Variants in SCARB1 observed in about 807,000 individuals in gnomAD.
The protein encoded by SCARB1 is scavenger receptor class B member 1.
In SCARB1, 30 loss-of-function variants were observed where a neutral mutation model predicts 57.2. That is an observed-to-expected ratio of 0.52 (90% confidence interval 0.39 to 0.71). SCARB1 has a LOEUF of 0.71. Ranked by LOEUF, SCARB1 falls within the 30% of genes least tolerant of loss-of-function variation. The probability of loss-of-function intolerance (pLI) is 0.00; values close to 1 mark genes in which losing one functional copy is unlikely to be tolerated. For synonymous variants in SCARB1, 249 were observed against 268.3 expected (o/e 0.93, Z 0.70); for missense variants, 543 against 671.2 (o/e 0.81, Z 2.11).
chr12:124,822,206 A>G lies in SCARB1; in HGVS notation c.127-4499T>C, dbSNP rs1950977657. On this transcript the variant is annotated intron_variant, in intron 1 of 12. Transcript: ENST00000261693. This position sits in a 1 kb window ranked among gnomAD's most constrained non-coding sequence, Gnocchi z 5.0. Reference sequence around the variant, plus strand: ...AGGCTGGGAAGCCTTTAAGAGCGTGACTTGCCTGAATGTTCACCAAAAACA... The same window carrying G: ...AGGCTGGGAAGCCTTTAAGAGCGTGGCTTGCCTGAATGTTCACCAAAAACA... Among the ~76,000 whole-genome samples the G allele has an allele frequency of 6.6e-6, 1 of 152,214 alleles. No individual in the cohort carries two copies. Among genetic ancestry groups the G allele is most frequent in the South Asian group, 2.1e-4 (1 of 4,830 alleles).
At position 124,814,497 on chromosome 12, in the gene SCARB1, G is replaced by T; in HGVS notation, c.427-92C>A. 3.7e-6 allele frequency: 5 copies of T among 1,366,454 alleles called. No homozygotes were observed. The highest frequency in any genetic ancestry group is 4.1e-6 in the Non-Finnish European group (4 of 965,116). The allele number at this position is 1,366,454 out of a possible 1,614,324, so 84.6% of individuals were successfully genotyped here. ...CTGGGCCTCACAGCAAAGAGCCCAT[G>T]AAGGGAAATGCTGGGGTGCAGGAGG... On this transcript the variant is annotated intron_variant, in intron 3 of 12. Transcript: ENST00000261693. This position sits in a 1 kb window ranked among gnomAD's most constrained non-coding sequence, Gnocchi z 4.7.
intron 1 of SCARB1, among the ~76,000 whole-genome samples, chr12:124,847,185 ACT>A (rs1397439444): frequency 1.3e-5 from 2 of 152,258 alleles, no homozygotes; most frequent in East Asian, 3.9e-4. Context: ...GAAATCCAAG[ACT>A]CTGGGTGGAA....
At chr12:124,781,886 T>C (rs7977729) in intron 12 of SCARB1, among the ~76,000 whole-genome samples, 33,648 of 152,036 alleles carry the variant, frequency 0.22, 4,534 homozygotes, top group East Asian at 0.3. Flanking sequence ...TCATCCCAGA[T>C]GTATTTATTT....
chr12:124,791,241 T>C (rs34137827), intron 9 of SCARB1, among the ~76,000 whole-genome samples: 7,157 of 152,288 alleles, frequency 0.047, 284 homozygotes, highest in African/African-American at 0.11. Flanking sequence ...CTGATTTGCT[T>C]TGAATCCTTT....
chr12:124,805,964 A>G (rs1336049266), intron 7 of SCARB1, among the ~76,000 whole-genome samples: 1 of 152,180 alleles, frequency 6.6e-6, no homozygotes, highest in Non-Finnish European at 1.5e-5. Context: ...CCAAGACAGT[A>G]GCTGCTAGAC....
Position 124,778,729 on chromosome 12 carries a change from G to A in SCARB1, c.*1-143C>T, listed in dbSNP as rs188375019. 1,299 of 846,792 alleles carry A rather than the reference G, an allele frequency of 1.5e-3. 15 individuals are homozygous for A. The African/African-American group carries it at 0.021, about 14-fold the overall frequency. 52.5% of individuals were successfully genotyped at this position (846,792 alleles called of 1,614,324 possible). A position where few individuals can be genotyped will look rare whatever the true frequency, so the allele number is the denominator to read the frequency against. ...AGGCTGTCAGAAGTGAGAAGAGACT[G>A]GAGTCACCTATAGACTCCTGGAATG... On this transcript the variant is annotated intron_variant, in intron 12 of 12. Transcript: ENST00000261693.
chr12:124,844,068 A>G (rs752326895), intron 1 of SCARB1, among the ~76,000 whole-genome samples: 3 of 152,174 alleles, frequency 2.0e-5, no homozygotes, highest in Non-Finnish European at 2.9e-5. Context: ...ATTGTGGAGA[A>G]GTACAAGGCA....
chr12:124,848,817 T>C (rs373682516), intron 1 of SCARB1, among the ~76,000 whole-genome samples: 7 of 152,084 alleles, frequency 4.6e-5, no homozygotes, highest in East Asian at 3.9e-4. Context: ...GAGGACGACA[T>C]GGACAAGCGA....
intron 12 of SCARB1, among the ~76,000 whole-genome samples, chr12:124,779,740 C>T (rs1220823516): frequency 1.3e-5 from 2 of 152,088 alleles, no homozygotes; most frequent in Admixed American, 6.5e-5. Flanking sequence ...AGAGGCCTCC[C>T]TGCCCCGGTG....
Position 124,814,867 on chromosome 12 carries a change from C to G in SCARB1, c.426+106G>C. On this transcript the variant is annotated intron_variant, in intron 3 of 12. Transcript: ENST00000261693. This position sits in a 1 kb window ranked among gnomAD's most constrained non-coding sequence, Gnocchi z 4.7. ...GCCACCCACCAGGCGTGAGTCCCCACGCTCCGACCACCTCAGGGACTGCTC... is the reference window on the plus strand; with the variant it reads ...GCCACCCACCAGGCGTGAGTCCCCAGGCTCCGACCACCTCAGGGACTGCTC... 1.4e-6 allele frequency: 2 copies of G among 1,460,996 alleles called. No individual in the cohort carries two copies. Among genetic ancestry groups the G allele is most frequent in the Non-Finnish European group, 1.9e-6 (2 of 1,059,854 alleles). The allele number at this position is 1,460,996 out of a possible 1,614,324, so 90.5% of individuals were successfully genotyped here. A position where few individuals can be genotyped will look rare whatever the true frequency, so the allele number is the denominator to read the frequency against.
chr12:124,817,746 A>G lies in SCARB1; in HGVS notation c.127-39T>C. 6.2e-7 allele frequency: 1 copy of G among 1,611,992 alleles called. No individual in the cohort carries two copies. The highest frequency in any genetic ancestry group is 8.5e-7 in the Non-Finnish European group (1 of 1,178,328). The stretch of plus-strand genomic sequence containing the variant: ...GACAAGTACGCTTGTGAGGAGAGTG[A>G]TGAGGGCCCCACGCCCCACCACAAG... On this transcript the variant is annotated intron_variant, in intron 1 of 12. Transcript: ENST00000261693. This position sits in a 1 kb window ranked among gnomAD's most constrained non-coding sequence, Gnocchi z 4.8.
At chr12:124,819,162 AG>A (rs1566196076) in intron 1 of SCARB1, among the ~76,000 whole-genome samples, 5 of 151,916 alleles carry the variant, frequency 3.3e-5, no homozygotes, top group Non-Finnish European at 7.4e-5. Context: ...AGAAAGAAAA[AG>A]AACACACACA....
At chr12:124,842,424 C>A (rs1202008459) in intron 1 of SCARB1, among the ~76,000 whole-genome samples, 1 of 152,266 alleles carries the variant, frequency 6.6e-6, no homozygotes, top group Non-Finnish European at 1.5e-5. Flanking sequence ...AGCTCCTCCC[C>A]ACACACCTCC....
chr12:124,816,777 C>T (rs535294311), intron 2 of SCARB1, among the ~76,000 whole-genome samples: 43 of 152,150 alleles, frequency 2.8e-4, no homozygotes, highest in African/African-American at 9.2e-4. Flanking sequence ...CTGAGTGTCC[C>T]GGTGACCCCA....
chr12:124,815,814 C>G (rs536390582), intron 2 of SCARB1, among the ~76,000 whole-genome samples: 1 of 152,060 alleles, frequency 6.6e-6, no homozygotes, highest in Non-Finnish European at 1.5e-5. Context: ...TGCAGTGAGC[C>G]GAGATCGCGC....
intron 1 of SCARB1, among the ~76,000 whole-genome samples, chr12:124,820,791 G>A (rs112191109): frequency 1.6e-3 from 238 of 152,314 alleles, no homozygotes; most frequent in African/African-American, 5.4e-3. Context: ...GAAAACAGTG[G>A]GGGGCAGGAG....
At chr12:124,790,975 G>A (rs1949707470) in intron 9 of SCARB1, among the ~76,000 whole-genome samples, 1 of 152,196 alleles carries the variant, frequency 6.6e-6, no homozygotes, top group Non-Finnish European at 1.5e-5. Context: ...CAAGTAATGT[G>A]GTTTATACTG....
At chr12:124,859,159 C>A (rs1217783933) in intron 1 of SCARB1, among the ~76,000 whole-genome samples, 1 of 152,126 alleles carries the variant, frequency 6.6e-6, no homozygotes, top group Non-Finnish European at 1.5e-5. Flanking sequence ...GCTGGGATCG[C>A]AAGTTTGAGC....
At chr12:124,846,274 C>T (rs777950698) in intron 1 of SCARB1, among the ~76,000 whole-genome samples, 14 of 152,210 alleles carry the variant, frequency 9.2e-5, no homozygotes, top group African/African-American at 2.7e-4. Flanking sequence ...GGATTGGAAA[C>T]GCTGCAACCA....
Sources: allele counts gnomAD v4.1 joint callset (sites outside exome capture counted in the v4.1 genomes callset), GRCh38; gene constraint gnomAD v4.1.1; non-coding constraint Gnocchi (gnomAD v3.1); transcripts MANE v1.5; gene names NCBI Gene and HGNC (gene_info 2026-07-23, HGNC 2026-07-21).